FAM135A: variants seen among roughly 807,000 people sequenced by gnomAD.
The protein encoded by FAM135A is family with sequence similarity 135 member A, also known as protein FAM135A.
In FAM135A, 79 loss-of-function variants were observed where a neutral mutation model predicts 146.8. The observed-to-expected ratio is 0.54, with a 90% CI of 0.45 to 0.65. FAM135A has a LOEUF of 0.65. Ranked by LOEUF, FAM135A falls within the 30% of genes least tolerant of loss-of-function variation. FAM135A has a pLI of 0.00. For missense variants in FAM135A, 1,623 were observed against 1,758.2 expected, an observed-to-expected ratio of 0.92 and a Z score of 1.38; for synonymous variants, 562 against 603.6, an observed-to-expected ratio of 0.93 and a Z score of 1.01.
At chr6:70,467,817 C>T (rs996118016) in intron 5 of FAM135A, among the ~76,000 whole-genome samples, 3 of 151,926 alleles carry the variant, frequency 2.0e-5, no homozygotes, top group African/African-American at 7.3e-5. Context: ...ACAATGTTTT[C>T]CTGTTTCATG....
At chr6:70,496,863 A>G (rs1041189971) in intron 11 of FAM135A, among the ~76,000 whole-genome samples, 3 of 151,074 alleles carry the variant, frequency 2.0e-5, no homozygotes, top group African/African-American at 7.3e-5. Context: ...CCATTGGTCT[A>G]TGTATCTGTT....
In FAM135A at chr6:70,533,262, A is replaced by T; in HGVS notation, c.3867+11A>T. ...TCTGAGAGAAATCAGGTACAATATG[A>T]CAGTGTTTTCAGTGAAAACAAACAT... is the stretch of plus-strand genomic sequence containing the variant. On this transcript the variant is annotated intron_variant, in intron 17 of 21. Coordinates refer to ENST00000418814, the MANE Select transcript of FAM135A (RefSeq NM_001162529.3). 1 of 1,600,012 alleles carries T rather than the reference A, an allele frequency of 6.2e-7. No homozygotes were observed. Among genetic ancestry groups the T allele is most frequent in the Non-Finnish European group, 8.5e-7 (1 of 1,172,398 alleles).
chr6:70,457,564 C>T (rs1342698081), intron 5 of FAM135A, among the ~76,000 whole-genome samples: 1 of 152,148 alleles, frequency 6.6e-6, no homozygotes, highest in Non-Finnish European at 1.5e-5. Context: ...TTTATAGCTG[C>T]TCAGTCCCTT....
intron 4 of FAM135A, among the ~76,000 whole-genome samples, chr6:70,451,996 G>A (rs1777197517): frequency 2.0e-5 from 3 of 149,982 alleles, no homozygotes; most frequent in Non-Finnish European, 3.0e-5. Flanking sequence ...GAATAAATAA[G>A]TAAAAGTACA....
At chr6:70,435,026 G>C (rs115970489) in intron 4 of FAM135A, among the ~76,000 whole-genome samples, 3,068 of 149,450 alleles carry the variant, frequency 0.021, 106 homozygotes, top group African/African-American at 0.07. Flanking sequence ...GGAAATGGAG[G>C]AAAGTAAGGA....
rs551332509 is a variant in FAM135A, at chr6:70,447,903, A to G, written c.78-4589A>G. On this transcript the variant is annotated intron_variant, in intron 4 of 21. Coordinates refer to ENST00000418814, the MANE Select transcript of FAM135A (RefSeq NM_001162529.3). ...ACTCAGTACTGCTGTTGCCTGTGCT[A>G]GCAGAGTAGCCTTATGCAGATTACC... Among the ~76,000 whole-genome samples, 11 of 152,288 alleles carry G rather than the reference A, an allele frequency of 7.2e-5. No homozygotes were observed. In the East Asian group the frequency reaches 2.1e-3, roughly 29 times the overall value.
chr6:70,447,162 A>C (rs1189526950), intron 4 of FAM135A, among the ~76,000 whole-genome samples: 1 of 152,138 alleles, frequency 6.6e-6, no homozygotes, highest in Non-Finnish European at 1.5e-5. Context: ...CAAACCTTTA[A>C]ATTTCTTTCC....
intron 16 of FAM135A, among the ~76,000 whole-genome samples, chr6:70,531,869 T>C (rs1002001333): frequency 8.6e-5 from 13 of 151,274 alleles, no homozygotes; most frequent in African/African-American, 3.2e-4. Context: ...TTTGATAAGG[T>C]TTCTTTTTAA....
At chr6:70,428,504 A>G (rs1175239966) in intron 4 of FAM135A, 85 bp downstream of exon 4, 3 of 829,126 alleles carry the variant, frequency 3.6e-6, no homozygotes, top group Non-Finnish European at 3.6e-6. Context: ...TTATTCCAGC[A>G]TATATAAGGA....
chr6:70,534,943 GT>G (rs1796537639), intron 18 of FAM135A, among the ~76,000 whole-genome samples: 1 of 152,132 alleles, frequency 6.6e-6, no homozygotes, highest in African/African-American at 2.4e-5. Flanking sequence ...CAGGTTTGTT[GT>G]TTGGAGGAAG....
At chr6:70,532,643 A>G (rs780184730) in intron 16 of FAM135A, among the ~76,000 whole-genome samples, 6 of 152,284 alleles carry the variant, frequency 3.9e-5, no homozygotes, top group African/African-American at 7.2e-5. Flanking sequence ...CCTAAGAAAC[A>G]AACTGTTGGC....
intron 4 of FAM135A, among the ~76,000 whole-genome samples, chr6:70,445,361 G>A (rs545593743): frequency 6.6e-5 from 10 of 151,894 alleles, no homozygotes; most frequent in South Asian, 2.1e-4. Flanking sequence ...GGTTTCTGCC[G>A]TCTTGGTCAG....
chr6:70,481,919 A>G, intron 9 of FAM135A, 82 bp from the exon 10 acceptor site: 1 of 1,365,626 alleles, frequency 7.3e-7, no homozygotes, highest in Non-Finnish European at 9.8e-7. Flanking sequence ...ATGGTTAAGT[A>G]TTTTTTCTTT....
chr6:70,414,436 C>CCT (rs1767062970), intron 1 of FAM135A, among the ~76,000 whole-genome samples: 1 of 152,086 alleles, frequency 6.6e-6, no homozygotes, highest in Admixed American at 6.5e-5. Flanking sequence ...TCTAATGGCC[C>CCT]CTATCCTCAC....
At chr6:70,443,570 T>C (rs1775044948) in intron 4 of FAM135A, among the ~76,000 whole-genome samples, 1 of 152,222 alleles carries the variant, frequency 6.6e-6, no homozygotes, top group African/African-American at 2.4e-5. Context: ...TTCCTGTTGT[T>C]GAATGAAGAG....
Position 70,554,146 on chromosome 6 carries a change from G to C in FAM135A, c.4229-2604G>C, listed in dbSNP as rs143305620. ...AATGATAATTAGAGAGATGAGTAAAGAATAAAATGTCATATATGCCTGAAA... is the reference window on the plus strand; with the variant it reads ...AATGATAATTAGAGAGATGAGTAAACAATAAAATGTCATATATGCCTGAAA... On this transcript the variant is annotated intron_variant, in intron 20 of 21. Transcript: ENST00000418814. Among the ~76,000 whole-genome samples, 117 of 152,112 alleles carry C rather than the reference G, an allele frequency of 7.7e-4. 2 individuals are homozygous for C. In the East Asian group the frequency reaches 0.022, roughly 29 times the overall value.
At chr6:70,421,799 G>A (rs575282933) in intron 2 of FAM135A, among the ~76,000 whole-genome samples, 3 of 152,308 alleles carry the variant, frequency 2.0e-5, no homozygotes, top group South Asian at 4.1e-4. Context: ...TCAGTCTCCG[G>A]TAAGTCAGCT....
At position 70,526,151 on chromosome 6, in the gene FAM135A, A is replaced by G. The variant is rs1401886656; in HGVS notation, c.3067A>G (p.Thr1023Ala). 2 of 1,613,636 alleles carry G rather than the reference A, an allele frequency of 1.2e-6. No homozygotes were observed. Among genetic ancestry groups the G allele is most frequent in the African/African-American group, 1.3e-5 (1 of 75,044 alleles). Residue 1023 changes from threonine (T) to alanine (A), a missense_variant, in exon 15 of 22, where the codon ACA becomes GCA. Thr to Ala is a moderately conservative substitution (Grantham distance 58). Transcript: ENST00000418814. ...AGTTGAAAGTGAAACTCATCTGGGT[A>G]CAAGTGATCCTTTTTCAGCCAGTAC... ...PTVESETHLG[T>A]SDPFSASTDI...
intron 12 of FAM135A, among the ~76,000 whole-genome samples, chr6:70,517,944 G>A (rs12332923): frequency 0.021 from 3,221 of 152,060 alleles, 110 homozygotes; most frequent in African/African-American, 0.074. Flanking sequence ...ATTTAAATTA[G>A]GCCAGTTAAT....
Sources: allele counts gnomAD v4.1 joint callset (sites outside exome capture counted in the v4.1 genomes callset), GRCh38; gene constraint gnomAD v4.1.1; transcripts MANE v1.5; gene names NCBI Gene and HGNC (gene_info 2026-07-23, HGNC 2026-07-21).